The following HERC4 variants were observed in gnomAD, a reference collection of about 807,000 sequenced individuals.
The protein encoded by HERC4 is HECT and RLD domain containing E3 ubiquitin protein ligase 4.
HERC4 carries 28 observed loss-of-function variants against 124.3 expected under a neutral mutation model. The ratio of observed to expected loss-of-function variants is 0.23; its 90% CI spans 0.17 to 0.31. HERC4 has a LOEUF of 0.31. HERC4 is among the 10% of genes least tolerant of loss of function. The probability of loss-of-function intolerance (pLI) is 1.00; values close to 1 mark genes in which losing one functional copy is unlikely to be tolerated. For synonymous variants in HERC4, 407 were observed against 421.5 expected, an observed-to-expected ratio of 0.97 and a Z score of 0.42; for missense variants, 713 against 1,229.3, an observed-to-expected ratio of 0.58 and a Z score of 6.28.
At chr10:67,977,375 G>A (rs1457987304) in intron 15 of HERC4, among the ~76,000 whole-genome samples, 3 of 152,132 alleles carry the variant, frequency 2.0e-5, no homozygotes, top group African/African-American at 7.2e-5. Flanking sequence ...TCTGTTAACT[G>A]AAGAGCCCTT....
rs1213604822 is a variant in HERC4, at chr10:67,959,128, G to C, written c.1927-2152C>G. ...CCAAACTTACCTCAGTTAATCCATG[G>C]TTGACATCCTAAGACAGCAGTGCAG... On this transcript the variant is annotated intron_variant, in intron 16 of 24. Transcript: ENST00000373700. 1.9e-6 allele frequency: 3 copies of C among 1,597,154 alleles called. No homozygotes were observed. In the Admixed American group the frequency reaches 5.2e-5, roughly 28 times the overall value.
At chr10:67,942,056 ATACT>A (rs1475143281) in intron 19 of HERC4, among the ~76,000 whole-genome samples, 7 of 152,284 alleles carry the variant, frequency 4.6e-5, no homozygotes, top group African/African-American at 1.4e-4. Flanking sequence ...TAACTGAAAC[ATACT>A]TACACTACTG....
At chr10:68,031,550 A>G (rs1432196231) in intron 7 of HERC4, among the ~76,000 whole-genome samples, 1 of 152,184 alleles carries the variant, frequency 6.6e-6, no homozygotes, top group Non-Finnish European at 1.5e-5. Context: ...CAACCTAATA[A>G]TAAGATTGGC....
intron 8 of HERC4, among the ~76,000 whole-genome samples, chr10:68,021,476 A>G (rs994060268): frequency 3.3e-5 from 5 of 152,216 alleles, no homozygotes; most frequent in African/African-American, 1.2e-4. Context: ...TCTATTCAAC[A>G]TAATCTTGGA....
intron 8 of HERC4, among the ~76,000 whole-genome samples, chr10:68,023,015 AAAG>A (rs1487276340): frequency 5.9e-5 from 9 of 152,144 alleles, no homozygotes; most frequent in Non-Finnish European, 1.0e-4. Flanking sequence ...ATAAAAAAAA[AAAG>A]AAAAAGGCAA....
chr10:67,976,620 C>T (rs2035604346), intron 15 of HERC4, among the ~76,000 whole-genome samples: 1 of 152,060 alleles, frequency 6.6e-6, no homozygotes, highest in African/African-American at 2.4e-5. Context: ...ACTCATAGCA[C>T]CTGGTTTCAA....
intron 16 of HERC4, chr10:67,965,457 T>G (rs190713031): frequency 6.6e-6 from 1 of 152,164 alleles, no homozygotes; most frequent in East Asian, 1.9e-4. Context: ...CCTAAATCTA[T>G]AGAATGGCTA....
intron 7 of HERC4, among the ~76,000 whole-genome samples, chr10:68,030,473 G>A (rs564373051): frequency 3.3e-5 from 5 of 152,172 alleles, no homozygotes; most frequent in African/African-American, 9.6e-5. Flanking sequence ...AATATACATG[G>A]CATATGATAT....
At position 67,955,122 on chromosome 10, in the gene HERC4, A is replaced by G; in HGVS notation, c.2034T>C (p.Ile678=). ...AGACATTCTGCCTGTGGGCCTGATC[A>G]ATAGCCATCTGGAAAACAAAAGATT... The part of the protein sequence containing the change: ...TDAVLQMQMA[I]DQAHRQNVSS... Residue 678 remains isoleucine (I), a synonymous_variant, in exon 18 of 25, where the codon ATT becomes ATC. Transcript: ENST00000373700. The G allele has an allele frequency of 6.4e-7, 1 of 1,574,168 alleles. No homozygotes were observed. The highest frequency in any genetic ancestry group is 8.6e-7 in the Non-Finnish European group (1 of 1,166,042).
intron 14 of HERC4, among the ~76,000 whole-genome samples, chr10:67,989,048 G>A (rs1564516011): frequency 6.6e-6 from 1 of 151,860 alleles, no homozygotes; most frequent in Non-Finnish European, 1.5e-5. Flanking sequence ...GCTCTCAAAA[G>A]CAAAAATAAA....
chr10:67,972,683 G>C (rs776818116), intron 15 of HERC4, among the ~76,000 whole-genome samples: 26 of 151,650 alleles, frequency 1.7e-4, no homozygotes, highest in Non-Finnish European at 2.9e-4. Context: ...ATTTTTAAAA[G>C]AATATGCAAG....
intron 3 of HERC4, among the ~76,000 whole-genome samples, chr10:68,055,360 T>A (rs1447038684): frequency 6.6e-6 from 1 of 152,210 alleles, no homozygotes; most frequent in Non-Finnish European, 1.5e-5. Context: ...AAATCTAAAG[T>A]TAATATACAC....
intron 5 of HERC4, among the ~76,000 whole-genome samples, chr10:68,035,058 AT>A (rs2039387674): frequency 6.6e-6 from 1 of 151,994 alleles, no homozygotes; most frequent in Non-Finnish European, 1.5e-5. Flanking sequence ...CTAATAACTG[AT>A]TTTTTTAAGT....
intron 16 of HERC4, among the ~76,000 whole-genome samples, chr10:67,957,466 G>T (rs753903774): frequency 1.6e-4 from 25 of 152,040 alleles, no homozygotes; most frequent in South Asian, 4.1e-4. Context: ...ATACAAAAAA[G>T]TACCATTAGT....
At chr10:68,058,800 C>T (rs900354013) in intron 3 of HERC4, among the ~76,000 whole-genome samples, 1 of 149,228 alleles carries the variant, frequency 6.7e-6, no homozygotes, top group Middle Eastern at 3.2e-3. Context: ...ACAGATCTAG[C>T]AACAGAGCCA....
At chr10:67,954,490 T>C (rs573309404) in intron 19 of HERC4, 105 bp downstream of exon 19, 17 of 871,344 alleles carry the variant, frequency 2.0e-5, no homozygotes, top group Middle Eastern at 2.5e-4. Flanking sequence ...TCTTATATGT[T>C]AGGGATCCAG....
intron 15 of HERC4, among the ~76,000 whole-genome samples, chr10:67,987,470 A>T (rs538835612): frequency 9.9e-5 from 15 of 152,178 alleles, no homozygotes; most frequent in Non-Finnish European, 2.1e-4. Flanking sequence ...CAATCTAATT[A>T]ATCTCTTGAA....
At chr10:68,059,554 T>TATATATCATAATATC (rs2040769817) in intron 3 of HERC4, among the ~76,000 whole-genome samples, 9 of 97,604 alleles carry the variant, frequency 9.2e-5, no homozygotes, top group African/African-American at 3.8e-4. Flanking sequence ...TATATCATAA[T>TATATATCATAATATC]ATATATCATA....
At chr10:67,974,608 TTCTA>T (rs1368266216) in intron 15 of HERC4, among the ~76,000 whole-genome samples, 2 of 152,208 alleles carry the variant, frequency 1.3e-5, no homozygotes, top group African/African-American at 4.8e-5. Context: ...TAGTTCTTAC[TTCTA>T]ATGGCACTTT....
Sources: gnomAD v4.1 joint callset for allele counts (sites outside exome capture counted in the v4.1 genomes callset) on GRCh38, gnomAD v4.1.1 for gene constraint, MANE v1.5 for transcripts, NCBI Gene and HGNC (gene_info 2026-07-23, HGNC 2026-07-21) for gene names.